F13A1: variants seen among roughly 807,000 people sequenced by gnomAD.
The protein encoded by F13A1 is FSF, A subunit.
In F13A1, 47 loss-of-function variants were observed where a neutral mutation model predicts 80.1. The ratio of observed to expected loss-of-function variants is 0.59; its 90% CI spans 0.46 to 0.75. The LOEUF is 0.75. F13A1 is among the 30% of genes least tolerant of loss of function. The probability of loss-of-function intolerance (pLI) is 0.00; values close to 1 mark genes in which losing one functional copy is unlikely to be tolerated. For missense variants in F13A1, 817 were observed against 930.4 expected, an observed-to-expected ratio of 0.88 and a Z score of 1.59; for synonymous variants, 349 against 344.9, an observed-to-expected ratio of 1.01 and a Z score of -0.13.
chr6:6,160,545 C>T (rs1162538908), intron 13 of F13A1, among the ~76,000 whole-genome samples: 1 of 151,976 alleles, frequency 6.6e-6, no homozygotes, highest in Non-Finnish European at 1.5e-5. Flanking sequence ...CCATGTTGGT[C>T]AGGTTCATCC....
chr6:6,309,969 G>A (rs1044799491), intron 2 of F13A1, among the ~76,000 whole-genome samples: 9 of 152,160 alleles, frequency 5.9e-5, no homozygotes, highest in East Asian at 3.9e-4. Context: ...GGCTGGAGAC[G>A]GAGAAATATT....
At chr6:6,212,014 GC>G (rs1467058103) in intron 8 of F13A1, among the ~76,000 whole-genome samples, 1 of 151,836 alleles carries the variant, frequency 6.6e-6, no homozygotes. Context: ...CCCGCACCTG[GC>G]TCGGAGGGTC....
At chr6:6,262,455 G>C (rs1757789955) in intron 4 of F13A1, among the ~76,000 whole-genome samples, 1 of 152,230 alleles carries the variant, frequency 6.6e-6, no homozygotes, top group African/African-American at 2.4e-5. Flanking sequence ...GACTCCTAGA[G>C]GCAGAGGCAG....
At chr6:6,231,219 C>T (rs959472628) in intron 6 of F13A1, among the ~76,000 whole-genome samples, 2 of 151,936 alleles carry the variant, frequency 1.3e-5, no homozygotes, top group Admixed American at 1.3e-4. Context: ...AAATAGATAG[C>T]TTAAAGAAAA....
intron 2 of F13A1, among the ~76,000 whole-genome samples, chr6:6,314,540 G>C (rs1273968473): frequency 6.6e-6 from 1 of 151,884 alleles, no homozygotes; most frequent in Non-Finnish European, 1.5e-5. Context: ...TCTAAGTCTC[G>C]GCTCCAATAT....
intron 3 of F13A1, among the ~76,000 whole-genome samples, chr6:6,280,701 T>G (rs144211443): frequency 6.6e-6 from 1 of 152,320 alleles, no homozygotes; most frequent in Non-Finnish European, 1.5e-5. Flanking sequence ...GGAACACAAT[T>G]GTTCTTGACA....
chr6:6,316,154 T>G (rs1758683300), intron 2 of F13A1, among the ~76,000 whole-genome samples: 1 of 113,728 alleles, frequency 8.8e-6, no homozygotes, highest in South Asian at 3.0e-4. Context: ...GTTTTTTTCC[T>G]GTCCTTCTCA....
intron 8 of F13A1, among the ~76,000 whole-genome samples, chr6:6,204,560 C>T (rs1430837878): frequency 6.6e-6 from 1 of 152,156 alleles, no homozygotes; most frequent in Non-Finnish European, 1.5e-5. Flanking sequence ...ACAGGACATC[C>T]TGGATTATTA....
intron 6 of F13A1, among the ~76,000 whole-genome samples, chr6:6,226,789 C>A (rs963531918): frequency 6.6e-6 from 1 of 152,088 alleles, no homozygotes; most frequent in Non-Finnish European, 1.5e-5. Context: ...AAGAATAAGA[C>A]CTTATGCCTG....
intron 10 of F13A1, among the ~76,000 whole-genome samples, chr6:6,186,412 A>G (rs185622707): frequency 6.6e-6 from 1 of 152,326 alleles, no homozygotes; most frequent in Admixed American, 6.5e-5. Context: ...AGGTGTAAGG[A>G]AGGGATCCAG....
intron 3 of F13A1, among the ~76,000 whole-genome samples, chr6:6,286,588 T>C (rs1489155519): frequency 6.6e-6 from 1 of 152,230 alleles, no homozygotes; most frequent in Non-Finnish European, 1.5e-5. Flanking sequence ...TGTAGATCCA[T>C]GTGGATTCAC....
At chr6:6,231,751 G>A (rs1174595886) in intron 6 of F13A1, among the ~76,000 whole-genome samples, 1 of 152,204 alleles carries the variant, frequency 6.6e-6, no homozygotes, top group Non-Finnish European at 1.5e-5. Flanking sequence ...CTACAATCTA[G>A]AAGGGATTGG....
intron 3 of F13A1, among the ~76,000 whole-genome samples, chr6:6,299,241 C>G (rs1394869393): frequency 1.7e-5 from 2 of 114,772 alleles, no homozygotes; most frequent in Non-Finnish European, 3.3e-5. Flanking sequence ...AGTTGCTCTT[C>G]TCGAGGAGTA....
At chr6:6,178,069 G>A (rs2151076130) in intron 11 of F13A1, among the ~76,000 whole-genome samples, 1 of 149,048 alleles carries the variant, frequency 6.7e-6, no homozygotes, top group East Asian at 2.0e-4. Context: ...GGGCTTTTAA[G>A]CAGTGCTGGG....
intron 6 of F13A1, among the ~76,000 whole-genome samples, chr6:6,232,103 A>G (rs1260700896): frequency 6.6e-6 from 1 of 152,208 alleles, no homozygotes; most frequent in Non-Finnish European, 1.5e-5. Flanking sequence ...TCACATTTCA[A>G]CACTAACATT....
chr6:6,280,611 C>T (rs989552253), intron 3 of F13A1, among the ~76,000 whole-genome samples: 3 of 152,142 alleles, frequency 2.0e-5, no homozygotes, highest in Non-Finnish European at 4.4e-5. Context: ...ATACAGGAGA[C>T]CACGGATGTA....
chr6:6,228,444 T>G (rs1192950717), intron 6 of F13A1, among the ~76,000 whole-genome samples: 1 of 152,076 alleles, frequency 6.6e-6, no homozygotes, highest in African/African-American at 2.4e-5. Flanking sequence ...GTAATAAATA[T>G]AATCAAAATG....
chr6:6,169,205 AC>A (rs1760728642), intron 12 of F13A1: 1 of 152,210 alleles, frequency 6.6e-6, no homozygotes, highest in Non-Finnish European at 1.5e-5. Context: ...GGCCACTCCA[AC>A]AACCAGGGGC....
At chr6:6,248,265 C>A (rs1757580677) in intron 6 of F13A1, 47 bp downstream of exon 6, 1 of 1,464,346 alleles carries the variant, frequency 6.8e-7, no homozygotes, top group Admixed American at 1.7e-5. Flanking sequence ...TATACTGAGG[C>A]AAATGACAGG....
Sources: allele counts gnomAD v4.1 joint callset (sites outside exome capture counted in the v4.1 genomes callset), GRCh38; gene constraint gnomAD v4.1.1; transcripts MANE v1.5; gene names NCBI Gene and HGNC (gene_info 2026-07-23, HGNC 2026-07-21).